LRRC8A: variants seen among roughly 807,000 people sequenced by gnomAD.
The protein encoded by LRRC8A is leucine rich repeat containing 8 VRAC subunit A.
A neutral mutation model predicts 52.5 loss-of-function variants in LRRC8A; 24 were observed. The observed-to-expected ratio is 0.46, with a 90% CI of 0.33 to 0.64. LRRC8A has a LOEUF of 0.64. LRRC8A is among the 30% of genes least tolerant of loss of function. LRRC8A has a pLI of 0.02. For missense variants in LRRC8A, 677 were observed against 1,094.7 expected, an observed-to-expected ratio of 0.62 and a Z score of 5.38; for synonymous variants, 492 against 494.2, an observed-to-expected ratio of 1.00 and a Z score of 0.06.
chr9:128,887,695 G>A (rs1419550695), intron 2 of LRRC8A, among the ~76,000 whole-genome samples: 1 of 151,854 alleles, frequency 6.6e-6, no homozygotes, highest in Non-Finnish European at 1.5e-5. Flanking sequence ...AGGCTGGAGT[G>A]CAGTGGCACA....
intron 2 of LRRC8A, among the ~76,000 whole-genome samples, chr9:128,901,083 G>T (rs1322833896): frequency 6.6e-6 from 1 of 152,224 alleles, no homozygotes; most frequent in Admixed American, 6.5e-5. Context: ...AGAGGCAGGA[G>T]AGTTGATTGA....
intron 2 of LRRC8A, among the ~76,000 whole-genome samples, chr9:128,897,534 G>C (rs1465409392): frequency 6.6e-6 from 1 of 151,916 alleles, no homozygotes; most frequent in Non-Finnish European, 1.5e-5. Context: ...GATCCTTTGA[G>C]ATCGTGATTT....
intron 2 of LRRC8A, among the ~76,000 whole-genome samples, chr9:128,897,492 G>A (rs922016203): frequency 6.6e-6 from 1 of 151,910 alleles, no homozygotes; most frequent in African/African-American, 2.4e-5. Context: ...ACAGACGTGA[G>A]CCACAGCACA....
rs1249019789 is a variant in LRRC8A at position 128,907,935 on chromosome 9, G to A, written c.771G>A (p.Gly257=). 1 of 1,614,076 alleles carries A rather than the reference G, an allele frequency of 6.2e-7. No individual in the cohort carries two copies. The highest frequency in any genetic ancestry group is 2.2e-5 in the East Asian group (1 of 44,870). The part of the protein sequence containing the change: ...VKKFRTHVEE[G]DIVYRLYMRQ... ...AGTTCCGGACCCATGTGGAGGAGGG[G>A]GACATTGTGTACCGCCTCTACATGC... Residue 257 remains glycine, a synonymous_variant, in exon 3 of 4, where the codon GGG becomes GGA. Transcript: ENST00000372600. This position sits in a 1 kb window ranked among gnomAD's most constrained non-coding sequence, Gnocchi z 9.3.
chr9:128,898,420 C>T (rs955131089), intron 2 of LRRC8A, among the ~76,000 whole-genome samples: 1 of 152,218 alleles, frequency 6.6e-6, no homozygotes, highest in African/African-American at 2.4e-5. Context: ...CCCCGCCTGT[C>T]TCTTTACCAG....
intron 3 of LRRC8A, among the ~76,000 whole-genome samples, chr9:128,914,928 A>C (rs1840741633): frequency 6.6e-6 from 1 of 152,184 alleles, no homozygotes; most frequent in Non-Finnish European, 1.5e-5. Context: ...CTCCGCTAAC[A>C]GTGTGGACGG....
intron 2 of LRRC8A, among the ~76,000 whole-genome samples, chr9:128,893,428 T>C (rs1588202984): frequency 6.6e-6 from 1 of 152,318 alleles, no homozygotes; most frequent in East Asian, 1.9e-4. Context: ...TTCACAGCTA[T>C]AACCCATTTT....
At chr9:128,906,895 A>G (rs945627508) in intron 2 of LRRC8A, among the ~76,000 whole-genome samples, 1 of 152,178 alleles carries the variant, frequency 6.6e-6, no homozygotes, top group Non-Finnish European at 1.5e-5. Flanking sequence ...GTCTAATCTC[A>G]CTGTGCTCAG....
At position 128,907,706 on chromosome 9, in the gene LRRC8A, G is replaced by A; in HGVS notation, c.542G>A (p.Ser181Asn). ...CTGTCGGAGACAGTGGTGGAGGAGA[G>A]CGACCCCAAGCCGGCCTTCAGCAAG... ...RALSETVVEE[S>N]DPKPAFSKMN... Residue 181 changes from serine (S) to asparagine (N), a missense_variant, in exon 3 of 4, where the codon AGC becomes AAC. Transcript: ENST00000372600. This position sits in a 1 kb window ranked among gnomAD's most constrained non-coding sequence, Gnocchi z 9.3. The A allele has an allele frequency of 2.5e-6, 4 of 1,613,708 alleles. No individual in the cohort carries two copies. The highest frequency in any genetic ancestry group is 3.4e-6 in the Non-Finnish European group (4 of 1,179,886).
Position 128,913,137 on chromosome 9 carries a change from C to T in LRRC8A, c.2158-2959C>T, listed in dbSNP as rs565109836. The stretch of plus-strand genomic sequence containing the variant: ...GACAGGAGTCTGCAGAAGAGGAGGG[C>T]GAGGCCAGAGCGTGGGGCACATGGG... On this transcript the variant is annotated intron_variant, in intron 3 of 3. Transcript: ENST00000372600. Among the ~76,000 whole-genome samples the T allele has an allele frequency of 2.6e-5, 4 of 152,016 alleles. No individual in the cohort carries two copies. The East Asian group carries it at 7.8e-4, about 29-fold the overall frequency.
chr9:128,894,658 T>G (rs1839753679), intron 2 of LRRC8A, among the ~76,000 whole-genome samples: 1 of 151,428 alleles, frequency 6.6e-6, no homozygotes, highest in Non-Finnish European at 1.5e-5. Flanking sequence ...CCAGGAGTGG[T>G]GGCACACACC....
Position 128,909,337 on chromosome 9 carries a change from A to G in LRRC8A, c.2157+16A>G. ...GGCCAACCGGGTGAGTGGCCCGGCC[A>G]CAGCTCTGCGTGTGGGCTGGCGGGT... On this transcript the variant is annotated intron_variant, in intron 3 of 3. Transcript: ENST00000372600. 6.2e-7 allele frequency: 1 copy of G among 1,608,664 alleles called. No homozygotes were observed. The highest frequency in any genetic ancestry group is 8.5e-7 in the Non-Finnish European group (1 of 1,178,082).
rs1839664039 is a variant in LRRC8A, at chr9:128,892,513, T to C, written c.-9+6392T>C. Among the ~76,000 whole-genome samples the C allele has an allele frequency of 6.6e-6, 1 of 151,986 alleles. No individual in the cohort carries two copies. Among genetic ancestry groups the C allele is most frequent in the South Asian group, 2.1e-4 (1 of 4,818 alleles). On this transcript the variant is annotated intron_variant, in intron 2 of 3. Transcript: ENST00000372600. The surrounding 1 kb of genome is among the most constrained non-coding windows in gnomAD (Gnocchi z 5.2). ...AGCCCTGGCGTCTCCCCTCTTCCTCTCCCCAGGAAGTGAGGGTGTACCCTT... is the reference window on the plus strand; with the variant it reads ...AGCCCTGGCGTCTCCCCTCTTCCTCCCCCCAGGAAGTGAGGGTGTACCCTT...
At position 128,899,923 on chromosome 9, in the gene LRRC8A, A is replaced by T. The variant is rs73669992; in HGVS notation, c.-8-7234A>T. Among the ~76,000 whole-genome samples, 8,434 of 152,250 alleles carry T rather than the reference A, an allele frequency of 0.055. 277 individuals carry two copies. Among genetic ancestry groups the T allele is most frequent in the African/African-American group, 0.096 (3,984 of 41,532 alleles). ...ATGTGTTTTATGACAGTCTAAAAAAATTGAGGGGAAAAAATGGACCTGGAA... is the reference window on the plus strand; with the variant it reads ...ATGTGTTTTATGACAGTCTAAAAAATTTGAGGGGAAAAAATGGACCTGGAA... On this transcript the variant is annotated intron_variant, in intron 2 of 3. Transcript: ENST00000372600. This position sits in a 1 kb window ranked among gnomAD's most constrained non-coding sequence, Gnocchi z 4.0.
At chr9:128,901,993 C>T (rs771491570) in intron 2 of LRRC8A, among the ~76,000 whole-genome samples, 2 of 152,102 alleles carry the variant, frequency 1.3e-5, no homozygotes, top group Non-Finnish European at 2.9e-5. Flanking sequence ...ACGGGTGCAG[C>T]TGGGGGTGAC....
At position 128,917,347 on chromosome 9, in the gene LRRC8A, C is replaced by T. The variant is rs1840870474; in HGVS notation, c.*976C>T. On this transcript the variant is annotated 3_prime_UTR_variant, in exon 4 of 4. Coordinates refer to ENST00000372600, the MANE Select transcript of LRRC8A (RefSeq NM_019594.4). ...TTTTTGGTGTCTTGTTTTCTTTCTCCTCCATGTGTCTTGGCAGGCACTCAT... is the reference window on the plus strand; with the variant it reads ...TTTTTGGTGTCTTGTTTTCTTTCTCTTCCATGTGTCTTGGCAGGCACTCAT... 6.6e-6 allele frequency: 1 copy of T among 152,418 alleles called. No homozygotes were observed. Among genetic ancestry groups the T allele is most frequent in the South Asian group, 2.1e-4 (1 of 4,818 alleles). 9.4% of individuals were successfully genotyped at this position (152,418 alleles called of 1,614,324 possible).
intron 2 of LRRC8A, among the ~76,000 whole-genome samples, chr9:128,893,290 G>C (rs1839697006): frequency 6.6e-6 from 1 of 152,194 alleles, no homozygotes; most frequent in African/African-American, 2.4e-5. Flanking sequence ...CCCTCACCCA[G>C]GTCAGTCCCC....
rs541036492 is a variant in LRRC8A at position 128,908,511 on chromosome 9, G to A, written c.1347G>A (p.Glu449=). 6.2e-7 allele frequency: 1 copy of A among 1,612,990 alleles called. No homozygotes were observed. The highest frequency in any genetic ancestry group is 1.1e-5 in the South Asian group (1 of 91,060). ...CTGTGTTTGACCTGGTGGAGCTGGA[G>A]GTCCTCAAGCTGGAGCTGATCCCCG... ...PDTVFDLVEL[E]VLKLELIPDV... The change falls in exon 3 of 4, where the codon GAG becomes GAA. Residue 449 remains glutamate (E), a synonymous_variant. Transcript: ENST00000372600.
chr9:128,890,093 G>A (rs993010726), intron 2 of LRRC8A, among the ~76,000 whole-genome samples: 18 of 149,646 alleles, frequency 1.2e-4, no homozygotes, highest in African/African-American at 3.9e-4. Context: ...GTGAGCCACC[G>A]CACCTGGCCA....
Sources: gnomAD v4.1 joint callset for allele counts (sites outside exome capture counted in the v4.1 genomes callset) on GRCh38, gnomAD v4.1.1 for gene constraint, Gnocchi (gnomAD v3.1) non-coding constraint, MANE v1.5 for transcripts, NCBI Gene and HGNC (gene_info 2026-07-23, HGNC 2026-07-21) for gene names.